SRL: variants seen among roughly 807,000 people sequenced by gnomAD.
SRL encodes sarcalumenin.
SRL carries 23 observed loss-of-function variants against 39.5 expected under a neutral mutation model. The observed-to-expected ratio is 0.58, with a 90% CI of 0.42 to 0.82. SRL has a LOEUF of 0.82. Ranked by LOEUF, SRL falls within the 40% of genes least tolerant of loss-of-function variation. The pLI, the probability that SRL is intolerant of heterozygous loss-of-function variation, is 0.00. For missense variants in SRL, 592 were observed against 607.8 expected (o/e 0.97, Z 0.27); for synonymous variants, 272 against 237.4 (o/e 1.15, Z -1.34).
At chr16:4,214,375 C>G (rs533267620) in intron 1 of SRL, among the ~76,000 whole-genome samples, 44 of 150,596 alleles carry the variant, frequency 2.9e-4, no homozygotes, top group Admixed American at 1.5e-3. Flanking sequence ...TACCTCTGAC[C>G]ATTACTCATA....
intron 5 of SRL, among the ~76,000 whole-genome samples, chr16:4,195,193 C>T (rs1009694928): frequency 6.6e-6 from 1 of 152,112 alleles, no homozygotes; most frequent in Admixed American, 6.6e-5. Flanking sequence ...CTGTGCCCAG[C>T]CTTATTTATT....
intron 4 of SRL, among the ~76,000 whole-genome samples, chr16:4,196,740 A>C (rs1308740525): frequency 6.6e-6 from 1 of 152,024 alleles, no homozygotes; most frequent in Non-Finnish European, 1.5e-5. Context: ...CGGCCTCCCA[A>C]AGTGCTGGGA....
chr16:4,220,048 A>G (rs996098103), intron 1 of SRL, among the ~76,000 whole-genome samples: 2 of 152,090 alleles, frequency 1.3e-5, no homozygotes, highest in African/African-American at 2.4e-5. Context: ...TGAACAGTAC[A>G]AACTCTGGAT....
At chr16:4,233,815 T>G (rs979061369) in intron 1 of SRL, among the ~76,000 whole-genome samples, 5 of 152,116 alleles carry the variant, frequency 3.3e-5, no homozygotes, top group African/African-American at 1.2e-4. Flanking sequence ...TCTGAGATTG[T>G]GCCATACCCT....
chr16:4,208,357 C>T (rs960046966), intron 1 of SRL, among the ~76,000 whole-genome samples: 2 of 152,136 alleles, frequency 1.3e-5, no homozygotes, highest in East Asian at 1.9e-4. Context: ...CCATCACTAA[C>T]GAAGTGAGCA....
chr16:4,236,617 G>A lies in SRL; in HGVS notation c.61+5390C>T, dbSNP rs116923169. Among the ~76,000 whole-genome samples, 50 of 151,698 alleles carry A rather than the reference G, an allele frequency of 3.3e-4. 2 individuals carry two copies. In the East Asian group the frequency reaches 9.3e-3, roughly 28 times the overall value. On this transcript the variant is annotated intron_variant, in intron 1 of 5. Transcript: ENST00000399609. Reference sequence around the variant, plus strand: ...TGCCACCTCCTTCCAGATGCCCCACGAGTAACCAATCTTCATAATGACCCA... The same window carrying A: ...TGCCACCTCCTTCCAGATGCCCCACAAGTAACCAATCTTCATAATGACCCA...
Position 4,197,913 on chromosome 16 carries a change from C to T in SRL, c.262G>A (p.Gly88Arg). Residue 88 changes from glycine to arginine, a missense_variant and splice_region_variant, in exon 4 of 6, where the codon GGA becomes AGA. Transcript: ENST00000399609. ...ACCATGGGCTTGGAGGTAATCTCTC[C>T]ATCTGTGGGCAACAGGAAGTAGAAA... ...NELRQHEITD[G>R]EITSKPMVLF... 6.2e-7 allele frequency: 1 copy of T among 1,600,064 alleles called. No homozygotes were observed. The highest frequency in any genetic ancestry group is 8.6e-7 in the Non-Finnish European group (1 of 1,167,160).
rs560380678 is a variant in SRL at position 4,191,168 on chromosome 16, G to A, written c.*985C>T. On this transcript the variant is annotated 3_prime_UTR_variant, in exon 6 of 6. Transcript: ENST00000399609. Reference sequence around the variant, plus strand: ...GGTCCGATGAAGGGATCGAGCCCTCGAGCCAGCTTTGAGGAACACATCAGA... The same window carrying A: ...GGTCCGATGAAGGGATCGAGCCCTCAAGCCAGCTTTGAGGAACACATCAGA... 1.3e-5 allele frequency: 2 copies of A among 152,374 alleles called. No individual in the cohort carries two copies. Among genetic ancestry groups the A allele is most frequent in the South Asian group, 2.1e-4 (1 of 4,830 alleles). 9.4% of individuals were successfully genotyped at this position (152,374 alleles called of 1,614,324 possible). A position where few individuals can be genotyped will look rare whatever the true frequency, so the allele number is the denominator to read the frequency against.
intron 2 of SRL, 42 bp from the exon 3 acceptor site, chr16:4,203,303 CGA>C: frequency 6.4e-7 from 1 of 1,557,108 alleles, no homozygotes; most frequent in Non-Finnish European, 8.9e-7. Flanking sequence ...CACGCAGGTG[CGA>C]TCCAGGCAGC....
intron 1 of SRL, among the ~76,000 whole-genome samples, chr16:4,226,845 AG>A (rs1428561165): frequency 6.7e-6 from 1 of 150,166 alleles, no homozygotes; most frequent in Non-Finnish European, 1.5e-5. Flanking sequence ...GGATGGATGG[AG>A]GGGTAGATGG....
intron 1 of SRL, among the ~76,000 whole-genome samples, chr16:4,230,222 C>A (rs139995115): frequency 6.6e-6 from 1 of 152,140 alleles, no homozygotes; most frequent in Non-Finnish European, 1.5e-5. Context: ...GTCTGCAGAG[C>A]TCCAGATCAG....
intron 1 of SRL, among the ~76,000 whole-genome samples, chr16:4,221,956 C>T (rs553097788): frequency 6.6e-6 from 1 of 152,324 alleles, no homozygotes; most frequent in South Asian, 2.1e-4. Flanking sequence ...TATGGCCAGC[C>T]CCACTCCAGC....
At chr16:4,194,459 C>G (rs191958415) in intron 5 of SRL, among the ~76,000 whole-genome samples, 27 of 152,224 alleles carry the variant, frequency 1.8e-4, no homozygotes, top group Admixed American at 9.8e-4. Context: ...CTGCTAAAGG[C>G]TTATGGGGAA....
At chr16:4,211,460 A>G (rs2039853266) in intron 1 of SRL, among the ~76,000 whole-genome samples, 1 of 151,574 alleles carries the variant, frequency 6.6e-6, no homozygotes, top group African/African-American at 2.4e-5. Flanking sequence ...CGTGATGATG[A>G]TGATGATGGT....
At chr16:4,202,886 T>C (rs1218498531) in intron 3 of SRL, among the ~76,000 whole-genome samples, 1 of 152,156 alleles carries the variant, frequency 6.6e-6, no homozygotes, top group East Asian at 1.9e-4. Flanking sequence ...CAAATGTGCA[T>C]GACTGAAGCA....
At chr16:4,194,935 C>CTG (rs1196355911) in intron 5 of SRL, among the ~76,000 whole-genome samples, 12 of 151,872 alleles carry the variant, frequency 7.9e-5, no homozygotes, top group Non-Finnish European at 1.5e-4. Context: ...TGCTGTGTCA[C>CTG]TAAGGCTGGA....
At chr16:4,224,713 C>A (rs2052568204) in intron 1 of SRL, among the ~76,000 whole-genome samples, 1 of 150,688 alleles carries the variant, frequency 6.6e-6, no homozygotes, top group African/African-American at 2.4e-5. Context: ...GAGCAAGACC[C>A]TATCTCGAGA....
At chr16:4,214,609 C>A (rs916722769) in intron 1 of SRL, among the ~76,000 whole-genome samples, 32 of 152,062 alleles carry the variant, frequency 2.1e-4, no homozygotes, top group African/African-American at 6.8e-4. Flanking sequence ...AGAGTTCATG[C>A]CGCAGAGCAG....
chr16:4,201,637 TTTTG>T (rs3081045), intron 3 of SRL, among the ~76,000 whole-genome samples: 21,733 of 122,108 alleles, frequency 0.18, 4,375 homozygotes, highest in Admixed American at 0.23. Context: ...TGTGTGTGTG[TTTTG>T]TTTGTTTGTT....
Sources: gnomAD v4.1 joint callset for allele counts (sites outside exome capture counted in the v4.1 genomes callset) on GRCh38, gnomAD v4.1.1 for gene constraint, MANE v1.5 for transcripts, NCBI Gene and HGNC (gene_info 2026-07-23, HGNC 2026-07-21) for gene names.